UMAD1: variants seen among roughly 807,000 people sequenced by gnomAD.
UMAD1 encodes the protein UBAP1-MVB12-associated (UMA)-domain containing protein 1.
A neutral mutation model predicts 6.1 loss-of-function variants in UMAD1; 8 were observed. The ratio of observed to expected loss-of-function variants is 1.30; its 90% confidence interval spans 0.76 to 2.35. UMAD1 has a LOEUF of 2.35. Ranked by LOEUF, UMAD1 falls within the 30% of genes most tolerant of loss-of-function variation. The pLI is 0.00. For missense variants in UMAD1, 130 were observed against 78.4 expected (o/e 1.66, Z -2.49); for synonymous variants, 56 against 31.4 (o/e 1.78, Z -2.61).
At chr7:7,655,322 A>G (rs966535653) in intron 1 of UMAD1, among the ~76,000 whole-genome samples, 1 of 152,226 alleles carries the variant, frequency 6.6e-6, no homozygotes, top group African/African-American at 2.4e-5. Flanking sequence ...CACGTGTCTC[A>G]TTTGGAAAAA....
chr7:7,786,235 A>G (rs543279010), intron 2 of UMAD1, among the ~76,000 whole-genome samples: 2 of 152,330 alleles, frequency 1.3e-5, no homozygotes, highest in Non-Finnish European at 2.9e-5. Context: ...CTCCATCTTG[A>G]ATGGTTCCTC....
At chr7:7,867,968 G>A (rs1318927427) in intron 3 of UMAD1, among the ~76,000 whole-genome samples, 2 of 152,034 alleles carry the variant, frequency 1.3e-5, no homozygotes, top group Non-Finnish European at 2.9e-5. Context: ...AGCAGATAGA[G>A]GAGATCCTCA....
chr7:7,839,443 G>A (rs1783634666), intron 3 of UMAD1, among the ~76,000 whole-genome samples: 1 of 152,176 alleles, frequency 6.6e-6, no homozygotes, highest in African/African-American at 2.4e-5. Context: ...TTGAACTCCG[G>A]GGCTCAAGCC....
intron 2 of UMAD1, among the ~76,000 whole-genome samples, chr7:7,740,329 C>G (rs78492068): frequency 0.052 from 7,894 of 152,166 alleles, 246 homozygotes; most frequent in South Asian, 0.073. Flanking sequence ...TTGCGATAAC[C>G]TTAAAAAAAG....
At chr7:7,753,395 C>T (rs34881338) in intron 2 of UMAD1, among the ~76,000 whole-genome samples, 23,662 of 152,100 alleles carry the variant, frequency 0.16, 1,925 homozygotes, top group African/African-American at 0.2. Context: ...CACCCATTAA[C>T]CATCCCCATC....
At chr7:7,780,144 T>C (rs1376490417) in intron 2 of UMAD1, among the ~76,000 whole-genome samples, 1 of 152,256 alleles carries the variant, frequency 6.6e-6, no homozygotes, top group African/African-American at 2.4e-5. Flanking sequence ...CTTTCAGAAC[T>C]TAAACAGGTT....
At chr7:7,869,317 C>T (rs1255815025) in intron 3 of UMAD1, among the ~76,000 whole-genome samples, 2 of 152,158 alleles carry the variant, frequency 1.3e-5, no homozygotes, top group Non-Finnish European at 2.9e-5. Context: ...GTTGCTTGTT[C>T]AGGCTATTGT....
At chr7:7,700,230 G>T (rs1375102523) in intron 2 of UMAD1, among the ~76,000 whole-genome samples, 1 of 152,164 alleles carries the variant, frequency 6.6e-6, no homozygotes, top group African/African-American at 2.4e-5. Flanking sequence ...CTTTCTCCCT[G>T]CTCCCCACAT....
chr7:7,806,898 A>G (rs1782927308), intron 3 of UMAD1, among the ~76,000 whole-genome samples: 1 of 152,238 alleles, frequency 6.6e-6, no homozygotes, highest in South Asian at 2.1e-4. Flanking sequence ...CTTAAAAATA[A>G]CATTTGTAGT....
rs79594629 is a variant in UMAD1, at chr7:7,743,215, C to T, written c.83-58455C>T. ...CATTTACATACTTACAAGTAAGTTG[C>T]TTTAAAATTAAAGTAGGGGATAAAA... is the stretch of plus-strand genomic sequence containing the variant. On this transcript the variant is annotated intron_variant, in intron 2 of 3. Coordinates refer to ENST00000682710, the MANE Select transcript of UMAD1 (RefSeq NM_001302348.2). Among the ~76,000 whole-genome samples, 3 of 152,136 alleles carry T rather than the reference C, an allele frequency of 2.0e-5. No homozygotes were observed. In the East Asian group the frequency reaches 5.8e-4, roughly 29 times the overall value.
chr7:7,728,368 G>A (rs1423142206), intron 2 of UMAD1, among the ~76,000 whole-genome samples: 1 of 152,076 alleles, frequency 6.6e-6, no homozygotes, highest in Non-Finnish European at 1.5e-5. Flanking sequence ...ATCTCAGGCC[G>A]GGCACAGTGG....
chr7:7,780,179 T>C (rs1040869708), intron 2 of UMAD1, among the ~76,000 whole-genome samples: 3 of 152,202 alleles, frequency 2.0e-5, no homozygotes, highest in Admixed American at 1.3e-4. Flanking sequence ...TTAACAACCA[T>C]TGCCATTTAC....
At chr7:7,664,689 G>A (rs926399821) in intron 1 of UMAD1, among the ~76,000 whole-genome samples, 4 of 152,096 alleles carry the variant, frequency 2.6e-5, no homozygotes, top group Non-Finnish European at 4.4e-5. Flanking sequence ...CCTAGTCTGC[G>A]CAGCCTACCA....
chr7:7,854,637 A>C (rs1383460861), intron 3 of UMAD1, among the ~76,000 whole-genome samples: 1 of 152,158 alleles, frequency 6.6e-6, no homozygotes, highest in East Asian at 1.9e-4. Flanking sequence ...TGGGGGTTAC[A>C]ATTCAAGATG....
chr7:7,815,127 G>A (rs562207467), intron 3 of UMAD1, among the ~76,000 whole-genome samples: 3 of 152,240 alleles, frequency 2.0e-5, no homozygotes, highest in African/African-American at 7.2e-5. Flanking sequence ...ATTGTCTCGG[G>A]AGTGATGGTT....
chr7:7,871,920 C>T (rs902885482), intron 3 of UMAD1, among the ~76,000 whole-genome samples: 2 of 151,646 alleles, frequency 1.3e-5, no homozygotes, highest in Admixed American at 6.6e-5. Flanking sequence ...TTAGGCACTG[C>T]GTGTTTCAAG....
At chr7:7,672,670 T>A (rs150240600) in intron 1 of UMAD1, among the ~76,000 whole-genome samples, 48 of 152,312 alleles carry the variant, frequency 3.2e-4, no homozygotes, top group African/African-American at 1.1e-3. Context: ...CCTGTCGTCC[T>A]GTGAGGAGGT....
In UMAD1 at chr7:7,656,760, T is replaced by C. The variant is rs147418478; in HGVS notation, c.-64+15939T>C. On this transcript the variant is annotated intron_variant, in intron 1 of 3. Transcript: ENST00000682710. ...GTTCCAAGTCTGCTGTTGTGAACAG[T>C]GCTGCAATAAACATACGTGCGCATG... Among the ~76,000 whole-genome samples the C allele has an allele frequency of 2.2e-3, 337 of 152,324 alleles. 4 individuals are homozygous for C. The highest frequency in any genetic ancestry group is 7.6e-3 in the African/African-American group (315 of 41,574).
intron 3 of UMAD1, among the ~76,000 whole-genome samples, chr7:7,812,801 CT>C (rs71014718): frequency 1.7e-4 from 24 of 143,784 alleles, no homozygotes; most frequent in Non-Finnish European, 2.3e-4. Flanking sequence ...ACACAGCCAT[CT>C]TTTTTTTTTT....
Sources: gnomAD v4.1 joint callset for allele counts (sites outside exome capture counted in the v4.1 genomes callset) on GRCh38, gnomAD v4.1.1 for gene constraint, MANE v1.5 for transcripts, NCBI Gene and HGNC (gene_info 2026-07-23, HGNC 2026-07-21) for gene names.